The following PTPN3 variants were observed in gnomAD, a reference collection of about 807,000 sequenced individuals.
PTPN3 encodes tyrosine-protein phosphatase non-receptor type 3.
PTPN3 carries 96 observed loss-of-function variants against 132.7 expected under a neutral mutation model. The ratio of observed to expected loss-of-function variants is 0.72; its 90% confidence interval spans 0.61 to 0.86. The LOEUF is 0.86. Ranked by LOEUF, PTPN3 falls within the 40% of genes least tolerant of loss-of-function variation. PTPN3 has a pLI of 0.00. For synonymous variants in PTPN3, 398 were observed against 429.0 expected (o/e 0.93, Z 0.89); for missense variants, 1,125 against 1,159.6 (o/e 0.97, Z 0.43).
the PTPN3 span, among the ~76,000 whole-genome samples, chr9:109,537,200 T>C: frequency 6.6e-6 from 1 of 152,136 alleles, no homozygotes; most frequent in African/African-American, 2.4e-5. Flanking sequence ...TTCCAAGTAA[T>C]AGAGGGGTCC....
At chr9:109,430,995 T>C (rs1006083369) in intron 10 of PTPN3, among the ~76,000 whole-genome samples, 1 of 152,228 alleles carries the variant, frequency 6.6e-6, no homozygotes, top group African/African-American at 2.4e-5. Context: ...TTAGGGCCCT[T>C]CTTATGTCCT....
chr9:109,486,570 G>A (rs1366119347), intron 1 of PTPN3, among the ~76,000 whole-genome samples: 1 of 152,172 alleles, frequency 6.6e-6, no homozygotes. Context: ...ATGTGGAGAG[G>A]ACTAGTGGAG....
chr9:109,431,816 G>A (rs986231993), intron 10 of PTPN3, among the ~76,000 whole-genome samples: 1 of 152,094 alleles, frequency 6.6e-6, no homozygotes, highest in African/African-American at 2.4e-5. Flanking sequence ...ATTATTAGCT[G>A]TGTCACTCTG....
chr9:109,502,532 C>T (rs1847874853), upstream of PTPN3, among the ~76,000 whole-genome samples: 1 of 152,136 alleles, frequency 6.6e-6, no homozygotes. Context: ...GCAGTGGCTC[C>T]CACCTGTAAT....
At chr9:109,411,968 A>G (rs912205852) in intron 14 of PTPN3, among the ~76,000 whole-genome samples, 3 of 152,176 alleles carry the variant, frequency 2.0e-5, no homozygotes, top group Non-Finnish European at 1.5e-5. Flanking sequence ...GTTGTATACA[A>G]GTTTTCAGAT....
At chr9:109,437,039 A>G in intron 8 of PTPN3, 69 bp from the exon 9 acceptor site, 1 of 1,597,354 alleles carries the variant, frequency 6.3e-7, no homozygotes, top group South Asian at 1.1e-5. Context: ...ATTTTAAAAA[A>G]TCTAGAACAT....
chr9:109,422,776 C>A lies in PTPN3; in HGVS notation c.1078G>T (p.Val360Leu). Residue 360 changes from valine to leucine, a missense_variant, in exon 13 of 26, where the codon GTG becomes TTG. Transcript: ENST00000374541. ...AGACTCTTGGTTTCTAAGTGCTCCACTGATAAGGATCTCCGCATGGCTGGG... is the reference window on the plus strand; with the variant it reads ...AGACTCTTGGTTTCTAAGTGCTCCAATGATAAGGATCTCCGCATGGCTGGG... ...WNPAMRRSLS[V>L]EHLETKSLPS... The A allele has an allele frequency of 3.1e-6, 5 of 1,611,448 alleles. No homozygotes were observed. Among genetic ancestry groups the A allele is most frequent in the Non-Finnish European group, 4.2e-6 (5 of 1,177,724 alleles).
At chr9:109,425,569 G>A (rs1161179300) in intron 12 of PTPN3, among the ~76,000 whole-genome samples, 1 of 151,814 alleles carries the variant, frequency 6.6e-6, no homozygotes, top group Non-Finnish European at 1.5e-5. Context: ...AAATCAGCTG[G>A]GCGTGGTGGT....
At chr9:109,508,354 G>A in the PTPN3 span, among the ~76,000 whole-genome samples, 1 of 152,098 alleles carries the variant, frequency 6.6e-6, no homozygotes, top group Non-Finnish European at 1.5e-5. Context: ...TAGAGATGGG[G>A]TTTCACCGTG....
At chr9:109,511,076 A>T in the PTPN3 span, among the ~76,000 whole-genome samples, 1 of 152,184 alleles carries the variant, frequency 6.6e-6, no homozygotes, top group Non-Finnish European at 1.5e-5. Flanking sequence ...GCATATTTTT[A>T]TATCAAGGTG....
intron 12 of PTPN3, among the ~76,000 whole-genome samples, chr9:109,424,905 A>G (rs1387230764): frequency 6.6e-6 from 1 of 152,204 alleles, no homozygotes; most frequent in Admixed American, 6.5e-5. Flanking sequence ...GCAGATGACA[A>G]AGCTTTGCAG....
chr9:109,435,130 G>A (rs1843942211), intron 9 of PTPN3, among the ~76,000 whole-genome samples: 2 of 152,304 alleles, frequency 1.3e-5, no homozygotes, highest in African/African-American at 2.4e-5. Flanking sequence ...AAAATTGAGT[G>A]AACAAGGAAA....
At chr9:109,502,010 G>A (rs369471660), upstream of PTPN3, among the ~76,000 whole-genome samples, 50 of 152,224 alleles carry the variant, frequency 3.3e-4, no homozygotes, top group African/African-American at 1.0e-3. Context: ...TCCAGAAACC[G>A]TGAAAAACAA....
intron 17 of PTPN3, among the ~76,000 whole-genome samples, chr9:109,407,930 G>C (rs948903905): frequency 2.0e-5 from 3 of 152,238 alleles, no homozygotes; most frequent in Non-Finnish European, 4.4e-5. Context: ...AAGGGGCACT[G>C]GTGGAAAGAT....
intron 19 of PTPN3, among the ~76,000 whole-genome samples, chr9:109,400,436 C>T (rs60544348): frequency 0.037 from 5,570 of 152,274 alleles, 143 homozygotes; most frequent in East Asian, 0.15. Flanking sequence ...GGTTAGGGGA[C>T]GTGCCTAAGG....
At chr9:109,415,862 G>A (rs1842448481) in intron 14 of PTPN3, among the ~76,000 whole-genome samples, 1 of 152,194 alleles carries the variant, frequency 6.6e-6, no homozygotes, top group Non-Finnish European at 1.5e-5. Context: ...ACACCAACAT[G>A]AGGAGCTGAG....
At chr9:109,523,218 G>T in the PTPN3 span, among the ~76,000 whole-genome samples, 1 of 151,616 alleles carries the variant, frequency 6.6e-6, no homozygotes, top group African/African-American at 2.4e-5. Flanking sequence ...AGGTTCAAGC[G>T]ATTCTCCTGC....
rs188563985 is a variant in PTPN3 at position 109,428,561 on chromosome 9, G to A, written c.828+60C>T. 633 of 1,555,134 alleles carry A rather than the reference G, an allele frequency of 4.1e-4. 3 individuals are homozygous for A. The Middle Eastern group carries it at 5.9e-3, about 15-fold the overall frequency. ...AGTTTGGGCAACATAGCGAGACCCTGTCTCTAACCACACACATACATATGC... is the reference window on the plus strand; with the variant it reads ...AGTTTGGGCAACATAGCGAGACCCTATCTCTAACCACACACATACATATGC... On this transcript the variant is annotated intron_variant, in intron 11 of 25. Transcript: ENST00000374541.
chr9:109,513,951 C>G, the PTPN3 span, among the ~76,000 whole-genome samples: 1 of 152,044 alleles, frequency 6.6e-6, no homozygotes, highest in African/African-American at 2.4e-5. Flanking sequence ...GCTGGGTGTT[C>G]CACATGTACT....
Sources: allele counts gnomAD v4.1 joint callset (sites outside exome capture counted in the v4.1 genomes callset), GRCh38; gene constraint gnomAD v4.1.1; transcripts MANE v1.5; gene names NCBI Gene and HGNC (gene_info 2026-07-23, HGNC 2026-07-21).